Variants in UBTD1 observed in about 807,000 individuals in gnomAD.
UBTD1 encodes ubiquitin domain containing 1.
A neutral mutation model predicts 21.7 loss-of-function variants in UBTD1; 19 were observed. The ratio of observed to expected loss-of-function variants is 0.87; its 90% CI spans 0.61 to 1.28. UBTD1 has a LOEUF of 1.28. UBTD1 is among the 50% of genes most tolerant of loss of function. UBTD1 has a pLI of 0.00. For synonymous variants in UBTD1, 116 were observed against 135.1 expected (o/e 0.86, Z 0.98); for missense variants, 282 against 315.1 (o/e 0.89, Z 0.80).
intron 1 of UBTD1, among the ~76,000 whole-genome samples, chr10:97,503,930 C>T (rs2040387979): frequency 6.6e-6 from 1 of 152,132 alleles, no homozygotes; most frequent in Non-Finnish European, 1.5e-5. Flanking sequence ...GCTCACCACA[C>T]CTGCTGTCTA....
At chr10:97,535,945 T>A (rs942927834) in intron 1 of UBTD1, among the ~76,000 whole-genome samples, 1 of 136,656 alleles carries the variant, frequency 7.3e-6, no homozygotes, top group Non-Finnish European at 1.6e-5. Context: ...AATTAATGTA[T>A]CACCTACATG....
intron 1 of UBTD1, among the ~76,000 whole-genome samples, chr10:97,556,637 C>T (rs773608291): frequency 3.3e-5 from 5 of 152,106 alleles, no homozygotes; most frequent in Non-Finnish European, 2.9e-5. Context: ...CTTCGTTTTT[C>T]GCGGGAAGCA....
intron 1 of UBTD1, among the ~76,000 whole-genome samples, chr10:97,520,070 G>A (rs1363127851): frequency 6.6e-6 from 1 of 152,210 alleles, no homozygotes; most frequent in African/African-American, 2.4e-5. Context: ...AAGCTTTACT[G>A]CTTTGTGGTA....
intron 1 of UBTD1, among the ~76,000 whole-genome samples, chr10:97,541,333 C>G (rs114649121): frequency 0.015 from 2,216 of 152,106 alleles, 56 homozygotes; most frequent in African/African-American, 0.051. Flanking sequence ...AAAAATTGTC[C>G]AGGCGTGGTG....
At chr10:97,505,052 G>A (rs1218955443) in intron 1 of UBTD1, among the ~76,000 whole-genome samples, 1 of 152,112 alleles carries the variant, frequency 6.6e-6, no homozygotes, top group Non-Finnish European at 1.5e-5. Context: ...CCCTCTTCCA[G>A]GCACACGTGA....
At chr10:97,548,841 G>A (rs1036093384) in intron 1 of UBTD1, among the ~76,000 whole-genome samples, 2 of 152,190 alleles carry the variant, frequency 1.3e-5, no homozygotes, top group African/African-American at 4.8e-5. Context: ...GTTTGTAATT[G>A]ATATCAGATA....
chr10:97,530,095 A>C (rs1027232714), intron 1 of UBTD1, among the ~76,000 whole-genome samples: 7 of 152,158 alleles, frequency 4.6e-5, no homozygotes, highest in Non-Finnish European at 1.0e-4. Flanking sequence ...ATCTCCTGAC[A>C]TGTCTGTCTC....
chr10:97,563,767 A>T (rs961209174), intron 1 of UBTD1, among the ~76,000 whole-genome samples: 1 of 152,148 alleles, frequency 6.6e-6, no homozygotes, highest in Admixed American at 6.5e-5. Context: ...GATAGGAGGG[A>T]TGACAAGTTT....
intron 1 of UBTD1, among the ~76,000 whole-genome samples, chr10:97,520,314 A>G (rs139887266): frequency 3.3e-5 from 5 of 152,122 alleles, no homozygotes; most frequent in Non-Finnish European, 7.4e-5. Flanking sequence ...TGAAAGTGTT[A>G]TGTGGTCCTT....
chr10:97,532,598 T>C lies in UBTD1; in HGVS notation c.70+33325T>C, dbSNP rs61861945. On this transcript the variant is annotated intron_variant, in intron 1 of 2. Coordinates refer to ENST00000370664, the MANE Select transcript of UBTD1 (RefSeq NM_024954.5). ...CAAGGTCAAGAGATCGAGACCATCCTGGCCAACATGGTGAAACCCCGTCTC... is the reference window on the plus strand; with the variant it reads ...CAAGGTCAAGAGATCGAGACCATCCCGGCCAACATGGTGAAACCCCGTCTC... Among the ~76,000 whole-genome samples the C allele has an allele frequency of 1.3e-4, 20 of 152,322 alleles. No homozygotes were observed. The South Asian group carries it at 3.5e-3, about 27-fold the overall frequency.
chr10:97,541,075 A>G (rs185660223), intron 1 of UBTD1, among the ~76,000 whole-genome samples: 1 of 152,234 alleles, frequency 6.6e-6, no homozygotes. Context: ...AGGACCTGAA[A>G]CCACTCACTG....
At chr10:97,546,745 G>A (rs2040612891) in intron 1 of UBTD1, among the ~76,000 whole-genome samples, 1 of 152,132 alleles carries the variant, frequency 6.6e-6, no homozygotes, top group Admixed American at 6.6e-5. Flanking sequence ...CTCCTGCCGC[G>A]TGTTTTCCTT....
intron 1 of UBTD1, among the ~76,000 whole-genome samples, chr10:97,516,830 C>T (rs1393054270): frequency 2.6e-5 from 4 of 151,584 alleles, no homozygotes; most frequent in African/African-American, 9.7e-5. Context: ...GCTGTGGACA[C>T]TGGAGAGCAA....
At chr10:97,500,209 T>A (rs1312355713) in intron 1 of UBTD1, among the ~76,000 whole-genome samples, 2 of 152,202 alleles carry the variant, frequency 1.3e-5, no homozygotes, top group Non-Finnish European at 2.9e-5. Context: ...GGGCTAGAAC[T>A]CAGCCTCCTC....
chr10:97,569,995 T>G, intron 2 of UBTD1, 143 bp from the exon 3 acceptor site: 1 of 1,242,016 alleles, frequency 8.1e-7, no homozygotes, highest in Non-Finnish European at 1.1e-6. Flanking sequence ...CATTTAACTT[T>G]ATTTATTTCT....
At chr10:97,546,951 A>G (rs1203815793) in intron 1 of UBTD1, among the ~76,000 whole-genome samples, 2 of 151,994 alleles carry the variant, frequency 1.3e-5, no homozygotes, top group East Asian at 1.9e-4. Context: ...CTCTCGGGAA[A>G]CAGCTGTCGG....
intron 1 of UBTD1, among the ~76,000 whole-genome samples, chr10:97,561,939 C>A (rs1381567512): frequency 6.6e-6 from 1 of 152,154 alleles, no homozygotes; most frequent in Non-Finnish European, 1.5e-5. Context: ...GTCTTGTATA[C>A]CAAAAATAAA....
At chr10:97,549,924 C>T (rs535136943) in intron 1 of UBTD1, among the ~76,000 whole-genome samples, 6 of 152,238 alleles carry the variant, frequency 3.9e-5, no homozygotes, top group East Asian at 1.9e-4. Flanking sequence ...CTGGCTCCCC[C>T]CTCCCCGCCT....
chr10:97,531,693 G>T (rs967548541), intron 1 of UBTD1, among the ~76,000 whole-genome samples: 1 of 152,168 alleles, frequency 6.6e-6, no homozygotes, highest in Admixed American at 6.5e-5. Flanking sequence ...TCTAGGTATC[G>T]GGTCCATTCC....
Sources: gnomAD v4.1 joint callset for allele counts (sites outside exome capture counted in the v4.1 genomes callset) on GRCh38, gnomAD v4.1.1 for gene constraint, MANE v1.5 for transcripts, NCBI Gene and HGNC (gene_info 2026-07-23, HGNC 2026-07-21) for gene names.